LRRC8A: variants seen among roughly 807,000 people sequenced by gnomAD.
LRRC8A encodes leucine rich repeat containing 8 VRAC subunit A.
LRRC8A carries 24 observed loss-of-function variants against 52.5 expected under a neutral mutation model. That is an observed-to-expected ratio of 0.46 (90% CI 0.33 to 0.64). The LOEUF (loss-of-function observed/expected upper bound fraction) is 0.64, where lower values mean the gene tolerates loss of function less well. Among genes scored for constraint, LRRC8A ranks in the 30% least tolerant of loss-of-function variants. LRRC8A has a pLI of 0.02. For synonymous variants in LRRC8A, 492 were observed against 494.2 expected, an observed-to-expected ratio of 1.00 and a Z score of 0.06; for missense variants, 677 against 1,094.7, an observed-to-expected ratio of 0.62 and a Z score of 5.38.
chr9:128,882,630 C>T, intron 1 of LRRC8A: 1 of 398,932 alleles, frequency 2.5e-6, no homozygotes, highest in Admixed American at 4.4e-5. Context: ...TGGGCTCTCT[C>T]CTTGCCATTT....
At chr9:128,882,562 G>A (rs939313161) in intron 1 of LRRC8A, 7 of 397,082 alleles carry the variant, frequency 1.8e-5, no homozygotes. Context: ...CATCCCCTGG[G>A]TCCCCCCAGA....
Position 128,909,315 on chromosome 9 carries a change from C to A in LRRC8A, c.2151C>A (p.Ala717=). 6.2e-7 allele frequency: 1 copy of A among 1,612,552 alleles called. No homozygotes were observed. The highest frequency in any genetic ancestry group is 8.5e-7 in the Non-Finnish European group (1 of 1,179,746). ...LQNLQNLAIT[A]NRIETLPPEL... is the part of the protein sequence containing the mutation. ...ACCTCCAGAACCTAGCCATCACGGC[C>A]AACCGGGTGAGTGGCCCGGCCACAG... The change falls in exon 3 of 4, where the codon GCC becomes GCA. Residue 717 remains alanine (A), a synonymous_variant. Coordinates refer to ENST00000372600, the MANE Select transcript of LRRC8A (RefSeq NM_019594.4).
At position 128,892,915 on chromosome 9, in the gene LRRC8A, A is replaced by T. The variant is rs1397116862; in HGVS notation, c.-9+6794A>T. On this transcript the variant is annotated intron_variant, in intron 2 of 3. Coordinates refer to ENST00000372600, the MANE Select transcript of LRRC8A (RefSeq NM_019594.4). The surrounding 1 kb of genome is among the most constrained non-coding windows in gnomAD (Gnocchi z 5.2). Reference sequence around the variant, plus strand: ...GGCTCAGCCTTGTTTGTGCTTTCACAAAAGGCTCTCTGTGCCCTGTTTACC... The same window carrying T: ...GGCTCAGCCTTGTTTGTGCTTTCACTAAAGGCTCTCTGTGCCCTGTTTACC... Among the ~76,000 whole-genome samples the T allele has an allele frequency of 6.6e-6, 1 of 152,176 alleles. No individual in the cohort carries two copies. The highest frequency in any genetic ancestry group is 1.9e-4 in the East Asian group (1 of 5,190).
At chr9:128,905,387 A>G (rs1840206845) in intron 2 of LRRC8A, among the ~76,000 whole-genome samples, 1 of 152,178 alleles carries the variant, frequency 6.6e-6, no homozygotes, top group Non-Finnish European at 1.5e-5. Context: ...TGTAAGAGCA[A>G]CCAGCCTTGG....
chr9:128,907,789 G>A lies in LRRC8A; in HGVS notation c.625G>A (p.Val209Met), dbSNP rs753358771. ...CGTCAGTGAGGACGTGGAGGCCACC[G>A]TGCCCATGCTGCAGCGGACCAAGTC... is the stretch of plus-strand genomic sequence containing the variant. ...STVSEDVEAT[V>M]PMLQRTKSRI... is the part of the protein sequence containing the mutation. The change falls in exon 3 of 4, where the codon GTG (valine) becomes ATG (methionine). Residue 209 changes from valine to methionine, a missense_variant. By Grantham distance (21) the Val-to-Met change is conservative. Coordinates refer to ENST00000372600, the MANE Select transcript of LRRC8A (RefSeq NM_019594.4). This position sits in a 1 kb window ranked among gnomAD's most constrained non-coding sequence, Gnocchi z 9.3. The A allele has an allele frequency of 3.1e-5, 50 of 1,613,986 alleles. No individual in the cohort carries two copies. Among genetic ancestry groups the A allele is most frequent in the Admixed American group, 2.3e-4 (14 of 59,996 alleles).
intron 2 of LRRC8A, among the ~76,000 whole-genome samples, chr9:128,898,769 C>T (rs1216081944): frequency 1.3e-5 from 2 of 152,272 alleles, no homozygotes; most frequent in African/African-American, 4.8e-5. Flanking sequence ...GGCCCTGGCC[C>T]GGCCCTTGCC....
rs765234351 is a variant in LRRC8A, at chr9:128,909,288, G to A, written c.2124G>A (p.Gln708=). ...TFLPADIGLL[Q]NLQNLAITAN... is the part of the protein sequence containing the mutation. ...TCCCTGCCGACATCGGCCTCCTGCA[G>A]AACCTCCAGAACCTAGCCATCACGG... Residue 708 remains glutamine, a synonymous_variant, in exon 3 of 4, where the codon CAG becomes CAA. Coordinates refer to ENST00000372600, the MANE Select transcript of LRRC8A (RefSeq NM_019594.4). 1 of 1,613,510 alleles carries A rather than the reference G, an allele frequency of 6.2e-7. No homozygotes were observed. Among genetic ancestry groups the A allele is most frequent in the Non-Finnish European group, 8.5e-7 (1 of 1,180,018 alleles).
rs149291804 is a variant in LRRC8A at position 128,892,783 on chromosome 9, C to T, written c.-9+6662C>T. Among the ~76,000 whole-genome samples, 282 of 152,292 alleles carry T rather than the reference C, an allele frequency of 1.9e-3. 1 individual carries two copies. The highest frequency in any genetic ancestry group is 2.9e-3 in the Non-Finnish European group (196 of 68,010). On this transcript the variant is annotated intron_variant, in intron 2 of 3. Coordinates refer to ENST00000372600, the MANE Select transcript of LRRC8A (RefSeq NM_019594.4). This position sits in a 1 kb window ranked among gnomAD's most constrained non-coding sequence, Gnocchi z 5.2. The stretch of plus-strand genomic sequence containing the variant: ...CTCCCGGGACAGGGCCTGTTGAGAG[C>T]GGCCCCTTCGCGCTCCCTGGGAGAG...
At chr9:128,900,770 G>C (rs890943324) in intron 2 of LRRC8A, among the ~76,000 whole-genome samples, 1 of 152,178 alleles carries the variant, frequency 6.6e-6, no homozygotes, top group Non-Finnish European at 1.5e-5. Flanking sequence ...GCTCATGCCC[G>C]TAGTCCCAGC....
rs770006140 is a variant in LRRC8A at position 128,902,779 on chromosome 9, T to C, written c.-8-4378T>C. On this transcript the variant is annotated intron_variant, in intron 2 of 3. Transcript: ENST00000372600. The surrounding 1 kb of genome is among the most constrained non-coding windows in gnomAD (Gnocchi z 4.1). ...AGTGTAGGTGGTGCGTGGACCCACC[T>C]GGTCATTAGAGGGCCCGGGCCTTCC... Among the ~76,000 whole-genome samples, 6 of 152,088 alleles carry C rather than the reference T, an allele frequency of 3.9e-5. No homozygotes were observed. Among genetic ancestry groups the C allele is most frequent in the Non-Finnish European group, 8.8e-5 (6 of 67,994 alleles).
At chr9:128,891,666 C>G (rs1373571450) in intron 2 of LRRC8A, among the ~76,000 whole-genome samples, 1 of 152,228 alleles carries the variant, frequency 6.6e-6, no homozygotes, top group African/African-American at 2.4e-5. Flanking sequence ...TCCAGAGCTT[C>G]CTTATAGCAG....
At chr9:128,894,327 C>G (rs1375527001) in intron 2 of LRRC8A, among the ~76,000 whole-genome samples, 1 of 151,586 alleles carries the variant, frequency 6.6e-6, no homozygotes, top group Non-Finnish European at 1.5e-5. Context: ...ACTAAAAATA[C>G]AAAAAAATTT....
chr9:128,887,266 C>T lies in LRRC8A; in HGVS notation c.-9+1145C>T, dbSNP rs147122790. 3.3e-3 allele frequency among the ~76,000 whole-genome samples: 498 copies of T among 152,156 alleles called. 2 individuals are homozygous for T. Among genetic ancestry groups the T allele is most frequent in the African/African-American group, 0.011 (460 of 41,492 alleles). ...CTCGATCTCCAAGGCTCCAGCGATC[C>T]TCCTGCCTCAGCCTCCCAACTAGCT... On this transcript the variant is annotated intron_variant, in intron 2 of 3. Coordinates refer to ENST00000372600, the MANE Select transcript of LRRC8A (RefSeq NM_019594.4).
chr9:128,905,864 T>C (rs1464687702), intron 2 of LRRC8A, among the ~76,000 whole-genome samples: 1 of 151,934 alleles, frequency 6.6e-6, no homozygotes, highest in Non-Finnish European at 1.5e-5. Context: ...AAAAATCAGA[T>C]TTCCAGCTTC....
chr9:128,893,366 C>T (rs948054869), intron 2 of LRRC8A, among the ~76,000 whole-genome samples: 11 of 152,142 alleles, frequency 7.2e-5, no homozygotes, highest in East Asian at 5.8e-4. Context: ...TGAGTGTGCC[C>T]GGTGCTGTAT....
intron 1 of LRRC8A, 24 bp downstream of exon 1, chr9:128,882,274 G>T: frequency 6.5e-6 from 1 of 153,306 alleles, no homozygotes; most frequent in South Asian, 2.0e-4. Context: ...GTGGGGAAAG[G>T]GGCGCGAGCT....
Position 128,907,841 on chromosome 9 carries a change from G to A in LRRC8A, c.677G>A (p.Arg226His), listed in dbSNP as rs775648092. Residue 226 changes from arginine to histidine, a missense_variant, in exon 3 of 4, where the codon CGC becomes CAC. By Grantham distance (29) the Arg-to-His change is conservative. Around this residue, in one of 4 missense-constraint regions of LRRC8A, gnomAD observed 422 missense variants for 741.5 expected, o/e 0.57. Transcript: ENST00000372600. The surrounding 1 kb of genome is among the most constrained non-coding windows in gnomAD (Gnocchi z 9.3). ...KSRIEQGIVD[R>H]SETGVLDKKE... ...CGGATCGAGCAGGGTATCGTGGACCGCTCAGAGACGGGCGTGCTGGACAAG... is the reference window on the plus strand; with the variant it reads ...CGGATCGAGCAGGGTATCGTGGACCACTCAGAGACGGGCGTGCTGGACAAG... 33 of 1,613,948 alleles carry A rather than the reference G, an allele frequency of 2.0e-5. No homozygotes were observed. The highest frequency in any genetic ancestry group is 3.3e-5 in the Admixed American group (2 of 59,992).
Position 128,907,463 on chromosome 9 carries a change from A to T in LRRC8A, c.299A>T (p.Asp100Val). The T allele has an allele frequency of 6.2e-7, 1 of 1,613,902 alleles. No homozygotes were observed. Among genetic ancestry groups the T allele is most frequent in the Non-Finnish European group, 8.5e-7 (1 of 1,180,008 alleles). The change falls in exon 3 of 4, where the codon GAC becomes GTC. Residue 100 changes from aspartate to valine, a missense_variant. Asp to Val is a radical substitution (Grantham distance 152). Coordinates refer to ENST00000372600, the MANE Select transcript of LRRC8A (RefSeq NM_019594.4). This position sits in a 1 kb window ranked among gnomAD's most constrained non-coding sequence, Gnocchi z 9.3. ...ACGGGCCCCACAGGCATCAAGTATG[A>T]CCTGGACCGGCACCAGTACAACTAC... Reference protein sequence around the residue: ...PDTGPTGIKYDLDRHQYNYVD... With the variant: ...PDTGPTGIKYVLDRHQYNYVD...
intron 2 of LRRC8A, among the ~76,000 whole-genome samples, 192 bp downstream of exon 2, chr9:128,886,313 C>T (rs759357457): frequency 2.6e-5 from 4 of 152,228 alleles, no homozygotes; most frequent in South Asian, 2.1e-4. Context: ...GTGCTTGCCG[C>T]ACTCATTGAA....
Sources: allele counts gnomAD v4.1 joint callset (sites outside exome capture counted in the v4.1 genomes callset), GRCh38; gene constraint gnomAD v4.1.1; regional missense constraint gnomAD v4.1.1; non-coding constraint Gnocchi (gnomAD v3.1); transcripts MANE v1.5; gene names NCBI Gene and HGNC (gene_info 2026-07-23, HGNC 2026-07-21).